ST3GAL6: variants seen among roughly 807,000 people sequenced by gnomAD.
ST3GAL6 encodes the protein ST3 beta-galactoside alpha-2,3-sialyltransferase 6, also known as type 2 lactosamine alpha-2,3-sialyltransferase.
ST3GAL6 carries 31 observed loss-of-function variants against 40.5 expected under a neutral mutation model. The ratio of observed to expected loss-of-function variants is 0.77; its 90% CI spans 0.58 to 1.03. ST3GAL6 has a LOEUF of 1.03. Among genes scored for constraint, ST3GAL6 ranks in the 50% least tolerant of loss-of-function variants. The pLI is 0.00. For synonymous variants in ST3GAL6, 129 were observed against 136.9 expected, an observed-to-expected ratio of 0.94 and a Z score of 0.40; for missense variants, 357 against 393.2, an observed-to-expected ratio of 0.91 and a Z score of 0.78.
intron 5 of ST3GAL6, among the ~76,000 whole-genome samples, chr3:98,781,474 T>TA (rs36013913): frequency 0.44 from 62,498 of 142,946 alleles, 13,187 homozygotes; most frequent in African/African-American, 0.46. Flanking sequence ...ACTTAAAGTA[T>TA]AAAAAAAAAA....
In ST3GAL6 at chr3:98,788,115, G is replaced by GT. The variant is rs757665003; in HGVS notation, c.517dup (p.Ser173PhefsTer7). Reference sequence around the variant, plus strand: ...CTTCCGACTTTTTTATCCAGAATCTGTTTTTTCAGATCCTATTCACAATGA... The same window carrying GT: ...CTTCCGACTTTTTTATCCAGAATCTGTTTTTTTCAGATCCTATTCACAATGA... On this transcript the variant is annotated frameshift_variant, in exon 7 of 10. Coordinates refer to ENST00000483910, the MANE Select transcript of ST3GAL6 (RefSeq NM_001323368.2). LOFTEE classifies it high-confidence loss of function. 44 of 1,613,986 alleles carry GT rather than the reference G, an allele frequency of 2.7e-5. No individual in the cohort carries two copies. The South Asian group carries it at 3.7e-4, about 14-fold the overall frequency.
At chr3:98,766,073 C>T (rs974402039) in intron 1 of ST3GAL6, among the ~76,000 whole-genome samples, 5 of 152,058 alleles carry the variant, frequency 3.3e-5, no homozygotes, top group Admixed American at 3.3e-4. Flanking sequence ...TTTCAGGTGG[C>T]GTGTGCAGTA....
chr3:98,743,424 A>C (rs72931002), intron 1 of ST3GAL6, among the ~76,000 whole-genome samples: 132 of 152,224 alleles, frequency 8.7e-4, no homozygotes, highest in African/African-American at 3.1e-3. Context: ...CAAGTGTCTG[A>C]ACCCGCAGGG....
chr3:98,762,639 A>C, upstream of ST3GAL6: 1 of 356,556 alleles, frequency 2.8e-6, no homozygotes, highest in Non-Finnish European at 3.9e-6. Flanking sequence ...GTGTTTGATA[A>C]ATGCATAATT....
chr3:98,791,067 T>C (rs1941167654), intron 8 of ST3GAL6, among the ~76,000 whole-genome samples: 1 of 152,134 alleles, frequency 6.6e-6, no homozygotes, highest in Admixed American at 6.5e-5. Flanking sequence ...TTATTGAAAG[T>C]GTTATGTAAA....
At position 98,794,492 on chromosome 3, in the gene ST3GAL6, T is replaced by C. The variant is rs1042131731; in HGVS notation, c.*731T>C. The stretch of plus-strand genomic sequence containing the variant: ...AGAAGGAAAAAAAAATCTTGAACAT[T>C]ATTTTTTTTTGCCTGACTTACTTAT... On this transcript the variant is annotated 3_prime_UTR_variant, in exon 10 of 10. Transcript: ENST00000483910. 2.0e-5 allele frequency: 3 copies of C among 152,130 alleles called. No homozygotes were observed. The highest frequency in any genetic ancestry group is 4.4e-5 in the Non-Finnish European group (3 of 68,030). 9.4% of individuals were successfully genotyped at this position (152,130 alleles called of 1,614,324 possible).
intron 9 of ST3GAL6, among the ~76,000 whole-genome samples, chr3:98,792,216 T>C (rs1941267137): frequency 6.6e-6 from 1 of 152,222 alleles, no homozygotes; most frequent in African/African-American, 2.4e-5. Context: ...CTCATGGTTA[T>C]TGCCAAGTGT....
chr3:98,785,083 G>T (rs779047913), intron 6 of ST3GAL6, 43 bp downstream of exon 6: 1 of 1,420,730 alleles, frequency 7.0e-7, no homozygotes, highest in African/African-American at 1.4e-5. Flanking sequence ...TGTTTCAAAA[G>T]AATATGGTTT....
At chr3:98,767,349 G>A (rs1576083473) in intron 1 of ST3GAL6, among the ~76,000 whole-genome samples, 1 of 152,234 alleles carries the variant, frequency 6.6e-6, no homozygotes, top group African/African-American at 2.4e-5. Context: ...GGCAAAGGGA[G>A]TGGTTTATTT....
At position 98,793,979 on chromosome 3, in the gene ST3GAL6, C is replaced by T. The variant is rs563817046; in HGVS notation, c.*218C>T. On this transcript the variant is annotated 3_prime_UTR_variant, in exon 10 of 10. Transcript: ENST00000483910. ...ATAACAGGAAAATAAGTTTTGATTGCATTGTTTTTAAAATAAGCTAGTTTT... is the reference window on the plus strand; with the variant it reads ...ATAACAGGAAAATAAGTTTTGATTGTATTGTTTTTAAAATAAGCTAGTTTT... 3 of 362,206 alleles carry T rather than the reference C, an allele frequency of 8.3e-6. No homozygotes were observed. In the East Asian group the frequency reaches 1.3e-4, roughly 16 times the overall value. The allele number at this position is 362,206 out of a possible 1,614,324, so 22.4% of individuals were successfully genotyped here. A position where few individuals can be genotyped will look rare whatever the true frequency, so the allele number is the denominator to read the frequency against.
At chr3:98,774,444 G>T (rs1459349314) in intron 5 of ST3GAL6, among the ~76,000 whole-genome samples, 1 of 152,132 alleles carries the variant, frequency 6.6e-6, no homozygotes. Flanking sequence ...TACATTTGAA[G>T]GACAAATATA....
At chr3:98,783,510 C>A (rs1460435847) in intron 5 of ST3GAL6, 2 of 960,340 alleles carry the variant, frequency 2.1e-6, no homozygotes, top group Middle Eastern at 5.3e-4. Flanking sequence ...CACATTTGAA[C>A]CAAATCAAAT....
intron 1 of ST3GAL6, among the ~76,000 whole-genome samples, chr3:98,738,205 C>T (rs994259314): frequency 6.6e-6 from 1 of 151,188 alleles, no homozygotes; most frequent in African/African-American, 2.4e-5. Context: ...TCATGCTTTC[C>T]GTACAGCCTG....
At chr3:98,779,217 C>T (rs1430341637) in intron 5 of ST3GAL6, among the ~76,000 whole-genome samples, 1 of 152,136 alleles carries the variant, frequency 6.6e-6, no homozygotes, top group African/African-American at 2.4e-5. Context: ...AATGAAGTAT[C>T]CTGTTCACAT....
chr3:98,769,166 GAGTC>G (rs1423637072), intron 2 of ST3GAL6, among the ~76,000 whole-genome samples: 6 of 152,188 alleles, frequency 3.9e-5, no homozygotes, highest in East Asian at 1.9e-4. Flanking sequence ...CTTAGACAAA[GAGTC>G]AGTATTTTTT....
intron 1 of ST3GAL6, among the ~76,000 whole-genome samples, chr3:98,765,387 C>T (rs574183803): frequency 2.0e-5 from 3 of 152,272 alleles, no homozygotes; most frequent in Admixed American, 1.3e-4. Context: ...ACCTTATAAA[C>T]CTTCAGTTTT....
chr3:98,793,270 T>C (rs1464021615), intron 9 of ST3GAL6, among the ~76,000 whole-genome samples: 1 of 152,252 alleles, frequency 6.6e-6, no homozygotes, highest in East Asian at 1.9e-4. Context: ...ACAGTAATTT[T>C]TAACACATCT....
chr3:98,735,844 A>G (rs1935499519), intron 1 of ST3GAL6, among the ~76,000 whole-genome samples: 1 of 152,214 alleles, frequency 6.6e-6, no homozygotes, highest in Non-Finnish European at 1.5e-5. Flanking sequence ...ACAATTCCAT[A>G]TCAGGATGTC....
At chr3:98,742,008 G>A (rs1936132805) in intron 1 of ST3GAL6, among the ~76,000 whole-genome samples, 1 of 152,114 alleles carries the variant, frequency 6.6e-6, no homozygotes, top group Non-Finnish European at 1.5e-5. Context: ...GTGTGGCCTC[G>A]AACCTTTCAG....
Sources: allele counts gnomAD v4.1 joint callset (sites outside exome capture counted in the v4.1 genomes callset), GRCh38; gene constraint gnomAD v4.1.1; transcripts MANE v1.5; gene names NCBI Gene and HGNC (gene_info 2026-07-23, HGNC 2026-07-21).